The following NFKB1 variants were observed in gnomAD, a reference collection of about 807,000 sequenced individuals.
The protein encoded by NFKB1 is nuclear factor kappa B subunit 1.
A neutral mutation model predicts 105.1 loss-of-function variants in NFKB1; 9 were observed. The observed-to-expected ratio is 0.09, with a 90% confidence interval of 0.05 to 0.15. The LOEUF is 0.15. Ranked by LOEUF, NFKB1 falls within the 10% of genes least tolerant of loss-of-function variation. The pLI is 1.00. For synonymous variants in NFKB1, 440 were observed against 442.2 expected, an observed-to-expected ratio of 1.00 and a Z score of 0.06; for missense variants, 830 against 1,203.7, an observed-to-expected ratio of 0.69 and a Z score of 4.59.
intron 7 of NFKB1, chr4:102,577,792 C>A (rs1050671595): frequency 8.1e-6 from 8 of 985,174 alleles, no homozygotes; most frequent in Non-Finnish European, 9.6e-6. Context: ...CCAGCCATTC[C>A]GTGCTCTCTG....
At chr4:102,541,967 C>A (rs1424125240) in intron 5 of NFKB1, among the ~76,000 whole-genome samples, 1 of 152,130 alleles carries the variant, frequency 6.6e-6, no homozygotes, top group Non-Finnish European at 1.5e-5. Context: ...CATATGGAGA[C>A]AGCAGGAAAG....
chr4:102,529,843 A>G lies in NFKB1; in HGVS notation c.47A>G (p.His16Arg), dbSNP rs966015688. The G allele has an allele frequency of 6.3e-7, 1 of 1,599,620 alleles. No individual in the cohort carries two copies. Among genetic ancestry groups the G allele is most frequent in the South Asian group, 1.1e-5 (1 of 89,916 alleles). ...AAATGTTCTTCTTTACAGATGTTTC[A>G]TTTGGATCCTTCTTTGACTCATACA... ...PYLGRPEQMF[H>R]LDPSLTHTIF... Residue 16 changes from histidine to arginine, a missense_variant, in exon 3 of 24, where the codon CAT (histidine) becomes CGT (arginine). By Grantham distance (29) the His-to-Arg change is conservative (BLOSUM62 0). Coordinates refer to ENST00000226574, the MANE Select transcript of NFKB1 (RefSeq NM_003998.4).
At chr4:102,571,439 T>C (rs1214414553) in intron 6 of NFKB1, among the ~76,000 whole-genome samples, 1 of 152,168 alleles carries the variant, frequency 6.6e-6, no homozygotes, top group Non-Finnish European at 1.5e-5. Context: ...ACTTCATGAC[T>C]AAAACACCAA....
At chr4:102,552,628 A>G (rs1394398699) in intron 5 of NFKB1, among the ~76,000 whole-genome samples, 1 of 152,184 alleles carries the variant, frequency 6.6e-6, no homozygotes, top group Non-Finnish European at 1.5e-5. Context: ...GACAATTACA[A>G]TTTTCTGACA....
chr4:102,534,861 G>A (rs898485278), intron 4 of NFKB1, among the ~76,000 whole-genome samples: 8 of 152,108 alleles, frequency 5.3e-5, no homozygotes, highest in African/African-American at 1.9e-4. Flanking sequence ...CTTAAATAAA[G>A]CATCCACTGC....
rs534253699 is a variant in NFKB1, at chr4:102,580,786, C to A, written c.835+147C>A. The A allele has an allele frequency of 5.1e-6, 3 of 587,960 alleles. No individual in the cohort carries two copies. In the African/African-American group the frequency reaches 5.7e-5, roughly 11 times the overall value. 36.4% of individuals were successfully genotyped at this position (587,960 alleles called of 1,614,324 possible). On this transcript the variant is annotated intron_variant, in intron 9 of 23. Coordinates refer to ENST00000226574, the MANE Select transcript of NFKB1 (RefSeq NM_003998.4). ...GTCTTAAAAAGCATTTACGTTTTACCTCTTCCAAATGTAAATTGTCTGTGT... is the reference window on the plus strand; with the variant it reads ...GTCTTAAAAAGCATTTACGTTTTACATCTTCCAAATGTAAATTGTCTGTGT...
intron 5 of NFKB1, among the ~76,000 whole-genome samples, chr4:102,541,297 T>C (rs1741983137): frequency 6.6e-6 from 1 of 150,624 alleles, no homozygotes; most frequent in Non-Finnish European, 1.5e-5. Flanking sequence ...ACTTTTCTAC[T>C]ATAAAGTTGT....
chr4:102,530,493 T>TA (rs928496058), intron 3 of NFKB1, among the ~76,000 whole-genome samples: 7 of 152,284 alleles, frequency 4.6e-5, no homozygotes, highest in Non-Finnish European at 7.4e-5. Flanking sequence ...CTCTCTTTCT[T>TA]AAAAAAAGTG....
Position 102,579,030 on chromosome 4 carries a change from T to A in NFKB1, c.721T>A (p.Tyr241Asn). 6.2e-7 allele frequency: 1 copy of A among 1,613,956 alleles called. No individual in the cohort carries two copies. Among genetic ancestry groups the A allele is most frequent in the Non-Finnish European group, 8.5e-7 (1 of 1,179,916 alleles). ...GGAACCCGTGGTATCAGACGCCATCTATGACAGTAGTGAGTACTTCACTTC... is the reference window on the plus strand; with the variant it reads ...GGAACCCGTGGTATCAGACGCCATCAATGACAGTAGTGAGTACTTCACTTC... ...RLEPVVSDAI[Y>N]DSKAPNASNL... Residue 241 changes from tyrosine to asparagine, a missense_variant, in exon 8 of 24, where the codon TAT (tyrosine) becomes AAT (asparagine). Coordinates refer to ENST00000226574, the MANE Select transcript of NFKB1 (RefSeq NM_003998.4).
rs1480179024 is a variant in NFKB1, at chr4:102,529,818, A to G, written c.40-18A>G. On this transcript the variant is annotated intron_variant, in intron 2 of 23. Coordinates refer to ENST00000226574, the MANE Select transcript of NFKB1 (RefSeq NM_003998.4). ...AGGAAAAATAATGATTGAAACATTT[A>G]AATGTTCTTCTTTACAGATGTTTCA... 2 of 1,530,854 alleles carry G rather than the reference A, an allele frequency of 1.3e-6. No homozygotes were observed. The highest frequency in any genetic ancestry group is 1.8e-5 in the Admixed American group (1 of 57,108). 94.8% of individuals were successfully genotyped at this position (1,530,854 alleles called of 1,614,324 possible).
intron 22 of NFKB1, 114 bp from the exon 23 acceptor site, chr4:102,613,311 G>A: frequency 9.4e-7 from 1 of 1,061,662 alleles, no homozygotes; most frequent in Non-Finnish European, 1.4e-6. Context: ...ATTTCCTCCT[G>A]GCTCCTGAGT....
chr4:102,610,479 G>A (rs1728293929), intron 19 of NFKB1, 96 bp from the exon 20 acceptor site: 3 of 1,334,630 alleles, frequency 2.2e-6, no homozygotes, highest in Non-Finnish European at 2.1e-6. Context: ...GCCTCAAGCT[G>A]CTACATTGCT....
intron 1 of NFKB1, among the ~76,000 whole-genome samples, chr4:102,521,892 C>T (rs375571943): frequency 6.6e-6 from 1 of 152,222 alleles, no homozygotes; most frequent in East Asian, 1.9e-4. Context: ...ACAAGCAATT[C>T]ACTGGCTATT....
intron 2 of NFKB1, 124 bp from the exon 3 acceptor site, chr4:102,529,712 T>C: frequency 1.4e-6 from 1 of 701,264 alleles, no homozygotes; most frequent in Non-Finnish European, 2.5e-6. Flanking sequence ...TTAAAATATT[T>C]TCAGATTTTT....
At chr4:102,571,715 C>G (rs903454621) in intron 6 of NFKB1, among the ~76,000 whole-genome samples, 1 of 152,088 alleles carries the variant, frequency 6.6e-6, no homozygotes, top group Non-Finnish European at 1.5e-5. Context: ...TTTATGCAGC[C>G]AAAAGACACA....
intron 5 of NFKB1, among the ~76,000 whole-genome samples, chr4:102,555,669 G>T (rs1371796887): frequency 1.3e-5 from 2 of 152,194 alleles, no homozygotes; most frequent in Non-Finnish European, 2.9e-5. Flanking sequence ...AGAAAAAGCA[G>T]CAAAGGCTCA....
chr4:102,508,507 A>T (rs1211777579), intron 1 of NFKB1, among the ~76,000 whole-genome samples: 3 of 152,176 alleles, frequency 2.0e-5, no homozygotes, highest in Non-Finnish European at 2.9e-5. Flanking sequence ...AACTGAATAT[A>T]CAATCTAGGA....
intron 11 of NFKB1, among the ~76,000 whole-genome samples, chr4:102,591,293 T>C (rs1195305388): frequency 6.6e-6 from 1 of 151,744 alleles, no homozygotes; most frequent in East Asian, 1.9e-4. Context: ...TTCAAAGCTT[T>C]TAAAAACAGG....
intron 5 of NFKB1, among the ~76,000 whole-genome samples, chr4:102,538,386 A>G (rs1741776635): frequency 6.6e-6 from 1 of 152,230 alleles, no homozygotes; most frequent in Non-Finnish European, 1.5e-5. Flanking sequence ...TTAGCTGTGT[A>G]GCTTTGAATA....
Sources: gnomAD v4.1 joint callset for allele counts (sites outside exome capture counted in the v4.1 genomes callset) on GRCh38, gnomAD v4.1.1 for gene constraint, MANE v1.5 for transcripts, NCBI Gene and HGNC (gene_info 2026-07-23, HGNC 2026-07-21) for gene names.